The following SRFBP1 variants were observed in gnomAD, a reference collection of about 807,000 sequenced individuals.
The protein encoded by SRFBP1 is serum response factor binding protein 1.
SRFBP1 carries 47 observed loss-of-function variants against 45.5 expected under a neutral mutation model. The observed-to-expected ratio is 1.03, with a 90% CI of 0.82 to 1.32. The LOEUF is 1.32. Ranked by LOEUF, SRFBP1 falls within the 40% of genes most tolerant of loss-of-function variation. The pLI, the probability that SRFBP1 is intolerant of heterozygous loss-of-function variation, is 0.00. For missense variants in SRFBP1, 621 were observed against 484.6 expected (o/e 1.28, Z -2.64); for synonymous variants, 203 against 166.3 (o/e 1.22, Z -1.70).
downstream of SRFBP1, among the ~76,000 whole-genome samples, chr5:122,031,264 G>A (rs982956886): frequency 6.6e-6 from 1 of 152,102 alleles, no homozygotes; most frequent in Non-Finnish European, 1.5e-5. Flanking sequence ...AGCAACAACA[G>A]CAAAACCTGG....
At chr5:121,971,475 G>A (rs539814068) in intron 1 of SRFBP1, among the ~76,000 whole-genome samples, 170 of 151,968 alleles carry the variant, frequency 1.1e-3, no homozygotes, top group Admixed American at 7.2e-4. Context: ...GGTTTTATTG[G>A]AGGTGAAGAA....
intron 2 of SRFBP1, chr5:122,063,855 A>G (rs1754230228): frequency 6.6e-6 from 1 of 151,926 alleles, no homozygotes; most frequent in South Asian, 2.1e-4. Context: ...TGACTATCCT[A>G]TGAGATTTCA....
At chr5:122,038,920 A>C (rs560450848) in intron 2 of SRFBP1, among the ~76,000 whole-genome samples, 2 of 152,250 alleles carry the variant, frequency 1.3e-5, no homozygotes, top group South Asian at 4.1e-4. Flanking sequence ...AAAAACCCCA[A>C]GGAGGGTACA....
intron 3 of SRFBP1, among the ~76,000 whole-genome samples, chr5:121,983,709 T>G (rs924246083): frequency 6.6e-6 from 1 of 151,778 alleles, no homozygotes; most frequent in African/African-American, 2.4e-5. Flanking sequence ...AGCTTAATTT[T>G]TAGAATATGA....
intron 4 of SRFBP1, among the ~76,000 whole-genome samples, chr5:122,000,453 T>C (rs1168191644): frequency 6.6e-6 from 1 of 152,126 alleles, no homozygotes; most frequent in Non-Finnish European, 1.5e-5. Flanking sequence ...TGAAGACTCT[T>C]AAAATATCTT....
intron 2 of SRFBP1, among the ~76,000 whole-genome samples, chr5:121,974,831 A>G (rs1216518859): frequency 6.6e-6 from 1 of 151,948 alleles, no homozygotes; most frequent in Non-Finnish European, 1.5e-5. Context: ...TGATGTAAGC[A>G]TGAATACTTA....
rs1420604999 is a variant in SRFBP1 at position 122,027,210 on chromosome 5, G to C, written c.*84G>C. ...GGATCTCATTCTGTTGCCCAGACTAGAGTACAATATTGCAATCACAGCTCA... is the reference window on the plus strand; with the variant it reads ...GGATCTCATTCTGTTGCCCAGACTACAGTACAATATTGCAATCACAGCTCA... On this transcript the variant is annotated 3_prime_UTR_variant, in exon 8 of 8. Coordinates refer to ENST00000339397, the MANE Select transcript of SRFBP1 (RefSeq NM_152546.3). 5.3e-6 allele frequency: 6 copies of C among 1,135,942 alleles called. No individual in the cohort carries two copies. The Middle Eastern group carries it at 6.9e-4, about 130-fold the overall frequency. 70.4% of individuals were successfully genotyped at this position (1,135,942 alleles called of 1,614,324 possible).
At chr5:121,983,304 A>G (rs1752449408) in intron 3 of SRFBP1, among the ~76,000 whole-genome samples, 2 of 151,802 alleles carry the variant, frequency 1.3e-5, no homozygotes, top group South Asian at 2.1e-4. Flanking sequence ...CTTAGAATAC[A>G]GAAGTGTTCT....
At chr5:122,046,188 C>G (rs890098511) in intron 2 of SRFBP1, among the ~76,000 whole-genome samples, 1 of 151,966 alleles carries the variant, frequency 6.6e-6, no homozygotes, top group African/African-American at 2.4e-5. Context: ...CTAATGCTAT[C>G]CCTCCACCCC....
chr5:122,056,934 GAAGA>G (rs1420225752), intron 2 of SRFBP1, among the ~76,000 whole-genome samples: 2 of 152,180 alleles, frequency 1.3e-5, no homozygotes, highest in Non-Finnish European at 2.9e-5. Context: ...TGAAACCAGT[GAAGA>G]GGACAATTGG....
chr5:122,070,690 C>G, intron 2 of SRFBP1: 1 of 615,860 alleles, frequency 1.6e-6, no homozygotes, highest in Non-Finnish European at 2.9e-6. Context: ...TTAGTACTTA[C>G]AAGAGTCTGA....
chr5:122,010,488 G>A (rs761870626), intron 4 of SRFBP1, among the ~76,000 whole-genome samples: 22 of 152,182 alleles, frequency 1.4e-4, no homozygotes, highest in Non-Finnish European at 2.8e-4. Context: ...TGGCTTAGGG[G>A]AAATAGAGCA....
intron 2 of SRFBP1, among the ~76,000 whole-genome samples, chr5:122,050,803 G>A (rs1212437492): frequency 6.6e-6 from 1 of 151,962 alleles, no homozygotes; most frequent in East Asian, 1.9e-4. Context: ...CTTTGGGATT[G>A]GCATGCTCTT....
chr5:121,989,055 ATTTG>A (rs140803937), intron 3 of SRFBP1, among the ~76,000 whole-genome samples: 28,153 of 151,020 alleles, frequency 0.19, 4,862 homozygotes, highest in African/African-American at 0.46. Context: ...AGATATTGGA[ATTTG>A]TTTGTTTGTT....
At chr5:121,976,039 C>A (rs1752296076) in intron 3 of SRFBP1, among the ~76,000 whole-genome samples, 1 of 151,902 alleles carries the variant, frequency 6.6e-6, no homozygotes, top group East Asian at 1.9e-4. Context: ...CAGCAATTTT[C>A]TTAATTGCAG....
At chr5:122,000,638 C>T (rs1337724902) in intron 4 of SRFBP1, among the ~76,000 whole-genome samples, 2 of 151,992 alleles carry the variant, frequency 1.3e-5, no homozygotes, top group African/African-American at 4.8e-5. Flanking sequence ...TGCCATAATT[C>T]TTATCTTTGG....
At chr5:122,038,652 A>G (rs1205146319) in intron 2 of SRFBP1, among the ~76,000 whole-genome samples, 1 of 152,242 alleles carries the variant, frequency 6.6e-6, no homozygotes, top group African/African-American at 2.4e-5. Context: ...CAAACATGAT[A>G]GCCTTTAAGG....
intron 2 of SRFBP1, among the ~76,000 whole-genome samples, chr5:122,034,016 GTT>G: frequency 6.6e-6 from 1 of 151,536 alleles, no homozygotes; most frequent in East Asian, 2.0e-4. Flanking sequence ...TAGAGATGGT[GTT>G]TTGCCATGTG....
Position 121,970,394 on chromosome 5 carries a change from C to T in SRFBP1, c.37-3802C>T, listed in dbSNP as rs908884203. Among the ~76,000 whole-genome samples the T allele has an allele frequency of 2.0e-5, 3 of 152,224 alleles. No homozygotes were observed. In the East Asian group the frequency reaches 5.8e-4, roughly 29 times the overall value. Reference sequence around the variant, plus strand: ...GCAAATGGTATATTATCATCTCATGCACCTGCAAAGTTCAGCAATTAGAAA... The same window carrying T: ...GCAAATGGTATATTATCATCTCATGTACCTGCAAAGTTCAGCAATTAGAAA... On this transcript the variant is annotated intron_variant, in intron 1 of 7. Coordinates refer to ENST00000339397, the MANE Select transcript of SRFBP1 (RefSeq NM_152546.3).
Sources: allele counts gnomAD v4.1 joint callset (sites outside exome capture counted in the v4.1 genomes callset), GRCh38; gene constraint gnomAD v4.1.1; transcripts MANE v1.5; gene names NCBI Gene and HGNC (gene_info 2026-07-23, HGNC 2026-07-21).